The following MAGI2 variants were observed in gnomAD, a reference collection of about 807,000 sequenced individuals.
The protein encoded by MAGI2 is membrane-associated guanylate kinase, WW and PDZ domain-containing protein 2.
MAGI2 carries 35 observed loss-of-function variants against 133.3 expected under a neutral mutation model. That is an observed-to-expected ratio of 0.26 (90% CI 0.20 to 0.35). The LOEUF is 0.35. MAGI2 is among the 10% of genes least tolerant of loss of function. The pLI, the probability that MAGI2 is intolerant of heterozygous loss-of-function variation, is 1.00. For missense variants in MAGI2, 1,636 were observed against 1,863.4 expected, an observed-to-expected ratio of 0.88 and a Z score of 2.25; for synonymous variants, 729 against 710.6, an observed-to-expected ratio of 1.03 and a Z score of -0.41.
chr7:79,124,751 G>A (rs912615548), intron 1 of MAGI2: 2 of 157,960 alleles, frequency 1.3e-5, no homozygotes, highest in African/African-American at 4.9e-5. Flanking sequence ...GTCTCCTAAA[G>A]AGCCTGAAAA....
chr7:78,213,071 A>G (rs1371652959), intron 10 of MAGI2, among the ~76,000 whole-genome samples: 1 of 152,246 alleles, frequency 6.6e-6, no homozygotes, highest in Admixed American at 6.5e-5. Flanking sequence ...TTCCTCCCAG[A>G]AAAATTGCAC....
At chr7:78,802,568 G>A (rs936761561) in intron 2 of MAGI2, among the ~76,000 whole-genome samples, 1 of 152,136 alleles carries the variant, frequency 6.6e-6, no homozygotes, top group Admixed American at 6.6e-5. Context: ...CAGGAGTGGA[G>A]CACGGAGGAC....
chr7:78,324,143 CACT>C (rs762835340), intron 9 of MAGI2, among the ~76,000 whole-genome samples: 182 of 136,528 alleles, frequency 1.3e-3, no homozygotes, highest in African/African-American at 5.2e-3. Flanking sequence ...CACTACACTA[CACT>C]ACACTACACA....
chr7:79,191,559 G>A (rs373907845), intron 1 of MAGI2, among the ~76,000 whole-genome samples: 9 of 150,034 alleles, frequency 6.0e-5, no homozygotes, highest in Middle Eastern at 3.4e-3. Context: ...TTGGAACTAC[G>A]GGCATGAGCC....
At chr7:78,654,717 A>G (rs995720372) in intron 2 of MAGI2, among the ~76,000 whole-genome samples, 2,185 of 29,132 alleles carry the variant, frequency 0.075, 40 homozygotes, top group African/African-American at 0.11. Flanking sequence ...ATATATATAT[A>G]TATATATATA....
chr7:78,669,655 T>C (rs1814100774), intron 2 of MAGI2, among the ~76,000 whole-genome samples: 1 of 152,146 alleles, frequency 6.6e-6, no homozygotes, highest in Non-Finnish European at 1.5e-5. Flanking sequence ...TGATGAATAT[T>C]GATGCAAAAA....
At chr7:78,158,024 T>TTTTC (rs1250362285) in intron 16 of MAGI2, among the ~76,000 whole-genome samples, 1 of 152,110 alleles carries the variant, frequency 6.6e-6, no homozygotes, top group East Asian at 1.9e-4. Context: ...GTTCTGGTGG[T>TTTTC]TTTCTTTCTT....
chr7:78,350,218 T>C (rs1791363717), intron 7 of MAGI2: 1 of 152,216 alleles, frequency 6.6e-6, no homozygotes, highest in African/African-American at 2.4e-5. Context: ...CCTGATCTCT[T>C]TGTCTTTACA....
chr7:79,453,416 G>A lies in MAGI2; in HGVS notation c.-96C>T, dbSNP rs183806259. 9.1e-5 allele frequency: 137 copies of A among 1,507,798 alleles called. 1 individual carries two copies. In the East Asian group the frequency reaches 2.9e-3, roughly 32 times the overall value. The allele number at this position is 1,507,798 out of a possible 1,614,324, so 93.4% of individuals were successfully genotyped here. On this transcript the variant is annotated 5_prime_UTR_variant, in exon 1 of 22. Transcript: ENST00000354212. ...ATGGAGGAGCAAGGGGGCCCAGGGG[G>A]AAGAACAGCAGACTTTGCCTTCGCC...
intron 21 of MAGI2, among the ~76,000 whole-genome samples, chr7:78,027,573 A>G (rs573279225): frequency 6.6e-6 from 1 of 150,712 alleles, no homozygotes; most frequent in Non-Finnish European, 1.5e-5. Flanking sequence ...AGTTACAGTG[A>G]GCCGAGATCA....
rs563330582 is a variant in MAGI2, at chr7:78,559,569, C to T, written c.539-37924G>A. Among the ~76,000 whole-genome samples, 6 of 152,110 alleles carry T rather than the reference C, an allele frequency of 3.9e-5. No individual in the cohort carries two copies. In the South Asian group the frequency reaches 1.2e-3, roughly 32 times the overall value. ...GGTCTTATATTAAATATTTCCCATG[C>T]CGATGCTCGTGAGTATTAAGCTTAA... On this transcript the variant is annotated intron_variant, in intron 3 of 21. Coordinates refer to ENST00000354212, the MANE Select transcript of MAGI2 (RefSeq NM_012301.4).
intron 1 of MAGI2, among the ~76,000 whole-genome samples, chr7:79,240,051 A>G (rs1832267201): frequency 6.6e-6 from 1 of 152,196 alleles, no homozygotes; most frequent in South Asian, 2.1e-4. Flanking sequence ...TTCCATAGCC[A>G]GTGCCATCCC....
intron 15 of MAGI2, among the ~76,000 whole-genome samples, chr7:78,165,568 C>T (rs903846690): frequency 6.6e-6 from 1 of 152,108 alleles, no homozygotes; most frequent in Non-Finnish European, 1.5e-5. Context: ...TCCCTATGAC[C>T]TTGCTTCTTC....
At chr7:78,955,699 C>A (rs1195536423) in intron 2 of MAGI2, among the ~76,000 whole-genome samples, 2 of 55,606 alleles carry the variant, frequency 3.6e-5, no homozygotes, top group African/African-American at 2.2e-4. Context: ...CTTTCTCTCT[C>A]CCTTTCTTTC....
chr7:79,417,443 A>G (rs943429319), intron 1 of MAGI2, among the ~76,000 whole-genome samples: 2 of 152,150 alleles, frequency 1.3e-5, no homozygotes, highest in Admixed American at 1.3e-4. Flanking sequence ...CATATCTCTG[A>G]TGACAGCATC....
In MAGI2 at chr7:78,630,413, C is replaced by CTTTTTT. The variant is rs35696228; in HGVS notation, c.419-3180_419-3175dup. Among the ~76,000 whole-genome samples, 215 of 112,278 alleles carry CTTTTTT rather than the reference C, an allele frequency of 1.9e-3. 7 individuals carry two copies. Among genetic ancestry groups the CTTTTTT allele is most frequent in the East Asian group, 4.0e-3 (14 of 3,498 alleles). The allele number at this position is 112,278 out of a possible 152,430, so 73.7% of individuals were successfully genotyped here. A position where few individuals can be genotyped will look rare whatever the true frequency, so the allele number is the denominator to read the frequency against. ...TGGTGTACTGACTTTTTGTGTTTAA[C>CTTTTTT]TTTTTTTTTTTTTTTTTTTTGAGAC... On this transcript the variant is annotated intron_variant, in intron 2 of 21. Transcript: ENST00000354212.
At chr7:78,131,730 G>T (rs753165922) in intron 18 of MAGI2, among the ~76,000 whole-genome samples, 1 of 152,094 alleles carries the variant, frequency 6.6e-6, no homozygotes, top group African/African-American at 2.4e-5. Flanking sequence ...AGACAATGTT[G>T]TTCTTATGAC....
intron 2 of MAGI2, among the ~76,000 whole-genome samples, chr7:78,647,372 C>A (rs1811008768): frequency 6.6e-6 from 1 of 152,166 alleles, no homozygotes; most frequent in Non-Finnish European, 1.5e-5. Context: ...GACTTTTATG[C>A]AGCCCACAGA....
chr7:78,669,458 C>G (rs1476302366), intron 2 of MAGI2, among the ~76,000 whole-genome samples: 1 of 152,038 alleles, frequency 6.6e-6, no homozygotes, highest in Non-Finnish European at 1.5e-5. Flanking sequence ...GAGTCCAGGA[C>G]CAGATGGATT....
Sources: gnomAD v4.1 joint callset for allele counts (sites outside exome capture counted in the v4.1 genomes callset) on GRCh38, gnomAD v4.1.1 for gene constraint, MANE v1.5 for transcripts, NCBI Gene and HGNC (gene_info 2026-07-23, HGNC 2026-07-21) for gene names.